LEMD1: variants seen among roughly 807,000 people sequenced by gnomAD.
The protein encoded by LEMD1 is LEM domain-containing protein 1.
LEMD1 carries 18 observed loss-of-function variants against 17.4 expected under a neutral mutation model. The ratio of observed to expected loss-of-function variants is 1.04; its 90% CI spans 0.72 to 1.54. The LOEUF (loss-of-function observed/expected upper bound fraction) is 1.54. Ranked by LOEUF, LEMD1 falls within the 40% of genes most tolerant of loss-of-function variation. LEMD1 has a pLI of 0.00. For synonymous variants in LEMD1, 88 were observed against 77.8 expected, an observed-to-expected ratio of 1.13 and a Z score of -0.69; for missense variants, 195 against 210.4, an observed-to-expected ratio of 0.93 and a Z score of 0.45.
chr1:205,436,002 GTTAGAGC>G (rs1157303227), intron 1 of LEMD1: 1 of 152,280 alleles, frequency 6.6e-6, no homozygotes, highest in Non-Finnish European at 1.5e-5. Flanking sequence ...AACAGAGAAA[GTTAGAGC>G]TTTGAGCATC....
intron 4 of LEMD1, among the ~76,000 whole-genome samples, chr1:205,404,152 G>A (rs532864388): frequency 6.6e-6 from 1 of 152,286 alleles, no homozygotes; most frequent in East Asian, 1.9e-4. Context: ...TAGGTGTGGT[G>A]TGGTGCTGAA....
chr1:205,400,831 T>A, intron 4 of LEMD1, among the ~76,000 whole-genome samples: 1 of 99,426 alleles, frequency 1.0e-5, no homozygotes, highest in African/African-American at 3.4e-5. Flanking sequence ...GTATATCTCC[T>A]AATGCTATCC....
intron 5 of LEMD1, 56 bp from the exon 6 acceptor site, chr1:205,381,912 G>A (rs1663719331): frequency 6.4e-7 from 1 of 1,562,390 alleles, no homozygotes; most frequent in African/African-American, 1.4e-5. Context: ...CACTTGAGTA[G>A]CCCCTTAAAG....
intron 3 of LEMD1, among the ~76,000 whole-genome samples, chr1:205,416,897 C>T (rs1665720508): frequency 6.6e-6 from 1 of 152,182 alleles, no homozygotes; most frequent in Non-Finnish European, 1.5e-5. Context: ...ACTGACAAGA[C>T]AGTCAGTTAG....
chr1:205,417,320 G>A (rs141975493), intron 3 of LEMD1, among the ~76,000 whole-genome samples: 2 of 152,232 alleles, frequency 1.3e-5, no homozygotes, highest in African/African-American at 2.4e-5. Flanking sequence ...TTTTCTCCTA[G>A]CCCTAGCATC....
rs966612696 is a variant in LEMD1 at position 205,427,497 on chromosome 1, G to GAC, written c.-38-6924_-38-6923insGT. Among the ~76,000 whole-genome samples the GAC allele has an allele frequency of 1.5e-3, 230 of 151,800 alleles. 1 individual carries two copies. The highest frequency in any genetic ancestry group is 2.5e-3 in the Non-Finnish European group (171 of 67,934). On this transcript the variant is annotated intron_variant, in intron 1 of 3. Transcript: ENST00000367154. ...CAAAAGAACATTTGAGAGAGAGAGA[G>GAC]AGAGAGAGAGACAGAGAGAGAGACA...
At chr1:205,402,990 T>C (rs1020238039) in intron 4 of LEMD1, among the ~76,000 whole-genome samples, 1 of 151,746 alleles carries the variant, frequency 6.6e-6, no homozygotes, top group Non-Finnish European at 1.5e-5. Context: ...TCTGTTTATA[T>C]GCTGGATTAC....
intron 4 of LEMD1, among the ~76,000 whole-genome samples, chr1:205,410,144 A>C (rs1028481618): frequency 7.0e-6 from 1 of 142,324 alleles, no homozygotes; most frequent in African/African-American, 2.6e-5. Context: ...CTGGTCTTGC[A>C]CTCCTGGGCT....
At chr1:205,420,879 C>T (rs1386369623) in intron 1 of LEMD1, among the ~76,000 whole-genome samples, 2 of 151,138 alleles carry the variant, frequency 1.3e-5, no homozygotes, top group African/African-American at 4.9e-5. Context: ...TCCATTACTG[C>T]TCAGGAACTC....
At chr1:205,435,230 C>T (rs1167140500) in intron 1 of LEMD1, 3 of 152,316 alleles carry the variant, frequency 2.0e-5, no homozygotes, top group Admixed American at 6.5e-5. Context: ...GTTCAAATCT[C>T]GATAAACTAC....
chr1:205,406,369 C>G (rs1237999608), intron 4 of LEMD1, among the ~76,000 whole-genome samples: 1 of 152,276 alleles, frequency 6.6e-6, no homozygotes, highest in Non-Finnish European at 1.5e-5. Flanking sequence ...CCAGTTCGAG[C>G]TTCCTGGCTG....
In LEMD1 at chr1:205,420,473, A is replaced by T; in HGVS notation, c.64T>A (p.Ser22Thr). 6.2e-7 allele frequency: 1 copy of T among 1,613,860 alleles called. No individual in the cohort carries two copies. Among genetic ancestry groups the T allele is most frequent in the Non-Finnish European group, 8.5e-7 (1 of 1,179,754 alleles). Residue 22 changes from serine (S) to threonine (T), a missense_variant, in exon 2 of 6, where the codon TCA becomes ACA. By Grantham distance (58) the Ser-to-Thr change is moderately conservative. Coordinates refer to ENST00000367153, the MANE Select transcript of LEMD1 (RefSeq NM_001199050.2). ...TACATACGTAGTATTGGGCCAGGTG[A>T]AAATCCAAGCTTCTCAAGTTGGTTC... The part of the protein sequence containing the change: ...LQNQLEKLGF[S>T]PGPILPSTRK...
chr1:205,421,920 G>T (rs1665974854), intron 1 of LEMD1, 70 bp downstream of exon 1: 1 of 152,170 alleles, frequency 6.6e-6, no homozygotes, highest in Non-Finnish European at 1.5e-5. Context: ...CTAGACAATT[G>T]CCTAGAGGGA....
rs187778906 is a variant in LEMD1, at chr1:205,439,461, T to C, written c.-39+10407A>G. 6.6e-5 allele frequency among the ~76,000 whole-genome samples: 10 copies of C among 152,342 alleles called. No homozygotes were observed. The East Asian group carries it at 1.7e-3, about 26-fold the overall frequency. ...CAGGAAAGGCCCCTGAGTGTGGGCATGAGCTGGGCAGGCAGAGGCTGCCAG... is the reference window on the plus strand; with the variant it reads ...CAGGAAAGGCCCCTGAGTGTGGGCACGAGCTGGGCAGGCAGAGGCTGCCAG... On this transcript the variant is annotated intron_variant, in intron 1 of 3. Coordinates refer to the LEMD1 transcript ENST00000367154.
chr1:205,426,966 G>A (rs903584669), upstream of LEMD1, among the ~76,000 whole-genome samples: 3 of 152,060 alleles, frequency 2.0e-5, no homozygotes, highest in East Asian at 3.9e-4. Flanking sequence ...AGGAGATGCC[G>A]GGAGGCTTTT....
At chr1:205,423,906 T>C (rs1666021792), upstream of LEMD1, among the ~76,000 whole-genome samples, 5 of 152,236 alleles carry the variant, frequency 3.3e-5, 1 homozygote, top group Admixed American at 2.0e-4. Context: ...CTTCCTCCTT[T>C]CATTAAAATG....
chr1:205,384,224 GT>G, intron 5 of LEMD1, 63 bp downstream of exon 5: 1 of 978,326 alleles, frequency 1.0e-6, no homozygotes, highest in South Asian at 2.2e-5. Flanking sequence ...TGAATAATTA[GT>G]TTTTTCCAGA....
intron 4 of LEMD1, among the ~76,000 whole-genome samples, chr1:205,409,652 G>A (rs1436310347): frequency 1.3e-5 from 2 of 151,850 alleles, no homozygotes; most frequent in Admixed American, 6.6e-5. Context: ...CCAGGCTGGA[G>A]TACAGTGGCA....
chr1:205,427,670 C>T (rs1666075199), intron 1 of LEMD1, among the ~76,000 whole-genome samples: 1 of 152,104 alleles, frequency 6.6e-6, no homozygotes, highest in Non-Finnish European at 1.5e-5. Flanking sequence ...GTGTTGAATT[C>T]CCATGGCTTA....
Sources: gnomAD v4.1 joint callset for allele counts (sites outside exome capture counted in the v4.1 genomes callset) on GRCh38, gnomAD v4.1.1 for gene constraint, MANE v1.5 for transcripts, NCBI Gene and HGNC (gene_info 2026-07-23, HGNC 2026-07-21) for gene names.